The following ZNF732 variants were observed in gnomAD, a reference collection of about 807,000 sequenced individuals.
The protein encoded by ZNF732 is zinc finger protein LOC654254.
In ZNF732, 12 loss-of-function variants were observed where a neutral mutation model predicts 11.5. That is an observed-to-expected ratio of 1.05 (90% CI 0.67 to 1.70). ZNF732 has a LOEUF of 1.70. ZNF732 is among the 40% of genes most tolerant of loss of function. ZNF732 has a pLI of 0.00. For missense variants in ZNF732, 702 were observed against 676.9 expected (o/e 1.04, Z -0.41); for synonymous variants, 231 against 236.5 (o/e 0.98, Z 0.21).
intron 3 of ZNF732, among the ~76,000 whole-genome samples, chr4:273,805 C>T (rs1719438477): frequency 6.6e-6 from 1 of 150,646 alleles, no homozygotes; most frequent in South Asian, 2.1e-4. Flanking sequence ...AAAAGATTAC[C>T]AGTGAATCTG....
In ZNF732 at chr4:295,421, C is replaced by T. The variant is rs1553842090; in HGVS notation, c.226+17G>A. 6.3e-7 allele frequency: 1 copy of T among 1,590,718 alleles called. No homozygotes were observed. Among genetic ancestry groups the T allele is most frequent in the South Asian group, 1.1e-5 (1 of 88,124 alleles). On this transcript the variant is annotated intron_variant, in intron 3 of 3. Coordinates refer to ENST00000419098, the MANE Select transcript of ZNF732 (RefSeq NM_001137608.3). The stretch of plus-strand genomic sequence containing the variant: ...GTCCCCTGGCCTGTGTCCTCTCCTT[C>T]ATTCACTGTCACCTACCTGGGTGTT...
At chr4:292,432 C>G (rs1028594086) in intron 3 of ZNF732, among the ~76,000 whole-genome samples, 6 of 151,768 alleles carry the variant, frequency 4.0e-5, no homozygotes, top group African/African-American at 1.5e-4. Flanking sequence ...TGGGGCATGC[C>G]TGTAATCTCA....
chr4:288,784 T>C (rs1719782695), intron 3 of ZNF732, among the ~76,000 whole-genome samples: 1 of 152,226 alleles, frequency 6.6e-6, no homozygotes, highest in Non-Finnish European at 1.5e-5. Context: ...CTGGGCGCAG[T>C]GGCTCATGTC....
chr4:302,298 A>T (rs1300034433), intron 1 of ZNF732, among the ~76,000 whole-genome samples: 2 of 152,224 alleles, frequency 1.3e-5, no homozygotes, highest in African/African-American at 4.8e-5. Flanking sequence ...AAAAAACTCC[A>T]CAATAATAGA....
At chr4:294,408 G>A (rs568269091) in intron 3 of ZNF732, among the ~76,000 whole-genome samples, 6 of 152,300 alleles carry the variant, frequency 3.9e-5, no homozygotes, top group African/African-American at 1.4e-4. Context: ...GTGTGTGTGA[G>A]AGACACACAT....
Position 272,116 on chromosome 4 carries a change from C to A in ZNF732, c.741G>T (p.Glu247Asp), listed in dbSNP as rs1553837777. The change falls in exon 4 of 4, where the codon GAG (glutamate) becomes GAT (aspartate). Residue 247 changes from glutamate (E) to aspartate (D), a missense_variant. By Grantham distance (45) the Glu-to-Asp change is conservative (BLOSUM62 2). Coordinates refer to ENST00000419098, the MANE Select transcript of ZNF732 (RefSeq NM_001137608.3). ...CACATTCTTCATATTTGTAAGATTT[C>A]TCTCCAGTATGAACTTTATGTTTAG... is the stretch of plus-strand genomic sequence containing the variant. ...NFAKHKVHTGEKSYKYEECGK... is the reference protein window; with the variant it reads ...NFAKHKVHTGDKSYKYEECGK... 1.2e-6 allele frequency: 2 copies of A among 1,612,280 alleles called. No homozygotes were observed. Among genetic ancestry groups the A allele is most frequent in the Non-Finnish European group, 1.7e-6 (2 of 1,179,210 alleles).
At chr4:280,925 T>C (rs146807806) in intron 3 of ZNF732, among the ~76,000 whole-genome samples, 1,966 of 152,056 alleles carry the variant, frequency 0.013, 23 homozygotes, top group Middle Eastern at 0.061. Flanking sequence ...TTTACACATG[T>C]CAGTCATGGT....
chr4:298,795 T>C (rs1034767805), intron 1 of ZNF732, among the ~76,000 whole-genome samples: 4 of 152,210 alleles, frequency 2.6e-5, no homozygotes, highest in Admixed American at 2.0e-4. Context: ...AAAACTACTC[T>C]ACTCCAGTAA....
intron 1 of ZNF732, among the ~76,000 whole-genome samples, chr4:303,533 T>C (rs532133438): frequency 6.6e-6 from 1 of 152,310 alleles, no homozygotes; most frequent in South Asian, 2.1e-4. Flanking sequence ...GGAGAATTGT[T>C]TGAACTCGGG....
Position 271,970 on chromosome 4 carries a change from T to C in ZNF732, c.887A>G (p.His296Arg), listed in dbSNP as rs782062475. 23 of 1,607,528 alleles carry C rather than the reference T, an allele frequency of 1.4e-5. No individual in the cohort carries two copies. The Admixed American group carries it at 3.1e-4, about 21-fold the overall frequency. The change falls in exon 4 of 4, where the codon CAT (histidine) becomes CGT (arginine). Residue 296 changes from histidine (H) to arginine (R), a missense_variant. Around this residue, in one of 3 missense-constraint regions of ZNF732, gnomAD observed 596 missense variants for 557.9 expected, o/e 1.07. Transcript: ENST00000419098. Reference protein sequence around the residue: ...IITSSSNVAKHKKIHTGEKLY... With the variant: ...IITSSSNVAKRKKIHTGEKLY... ...TTTCTCTCCGGTATGAATTTTCTTA[T>C]GTTTGGCAACATTTGAGGATGAGGT...
At chr4:298,287 C>A (rs1720002456) in intron 1 of ZNF732, among the ~76,000 whole-genome samples, 1 of 152,144 alleles carries the variant, frequency 6.6e-6, no homozygotes, top group Admixed American at 6.5e-5. Flanking sequence ...ACCATTTATT[C>A]ATGTGCTCCA....
chr4:287,126 G>C (rs1374703195), intron 3 of ZNF732, among the ~76,000 whole-genome samples: 1 of 152,128 alleles, frequency 6.6e-6, no homozygotes, highest in Admixed American at 6.5e-5. Flanking sequence ...ACTCCAGCCT[G>C]GGCGACAGAG....
intron 3 of ZNF732, among the ~76,000 whole-genome samples, chr4:294,449 CAG>C (rs1188228334): frequency 8.5e-5 from 13 of 152,172 alleles, no homozygotes; most frequent in African/African-American, 2.9e-4. Flanking sequence ...ACGTCAATGA[CAG>C]AATCTCAGGC....
In ZNF732 at chr4:296,091, G is replaced by C. The variant is rs781857258; in HGVS notation, c.68C>G (p.Pro23Arg). ...FSPEEWKCLD[P>R]AQQNLYRDVM... The stretch of plus-strand genomic sequence containing the variant: ...ATCTCTATACAAATTCTGCTGGGCA[G>C]GGTCCAGGCATTTCCACTCTTCTGG... The change falls in exon 2 of 4, where the codon CCT becomes CGT. Residue 23 changes from proline (P) to arginine (R), a missense_variant. Transcript: ENST00000419098. 1 of 1,613,848 alleles carries C rather than the reference G, an allele frequency of 6.2e-7. No homozygotes were observed. The highest frequency in any genetic ancestry group is 1.3e-5 in the African/African-American group (1 of 74,912).
intron 1 of ZNF732, 49 bp downstream of exon 1, chr4:305,259 G>A: frequency 6.3e-7 from 1 of 1,592,764 alleles, no homozygotes; most frequent in Non-Finnish European, 8.5e-7. Context: ...TTTCCCGCCG[G>A]TTCGGATGAG....
At chr4:290,389 C>T (rs1414202673) in intron 3 of ZNF732, among the ~76,000 whole-genome samples, 1 of 152,232 alleles carries the variant, frequency 6.6e-6, no homozygotes, top group Non-Finnish European at 1.5e-5. Context: ...AGTGGTCCTT[C>T]CCATCAAGAG....
chr4:277,219 C>G (rs2108653073), intron 3 of ZNF732, among the ~76,000 whole-genome samples: 1 of 152,026 alleles, frequency 6.6e-6, no homozygotes, highest in East Asian at 1.9e-4. Flanking sequence ...GAATGCATTA[C>G]CACATAGTAC....
intron 3 of ZNF732, among the ~76,000 whole-genome samples, chr4:287,372 G>A (rs1232962841): frequency 4.0e-5 from 6 of 151,394 alleles, no homozygotes; most frequent in Non-Finnish European, 5.9e-5. Context: ...GTGCCATCAC[G>A]TCCAGCTAAT....
intron 3 of ZNF732, among the ~76,000 whole-genome samples, chr4:288,839 G>A (rs1347732777): frequency 2.0e-5 from 3 of 152,168 alleles, no homozygotes; most frequent in African/African-American, 4.8e-5. Flanking sequence ...TGATCATGAG[G>A]TCAGGAGATT....
Sources: allele counts gnomAD v4.1 joint callset (sites outside exome capture counted in the v4.1 genomes callset), GRCh38; gene constraint gnomAD v4.1.1; regional missense constraint gnomAD v4.1.1; transcripts MANE v1.5; gene names NCBI Gene and HGNC (gene_info 2026-07-23, HGNC 2026-07-21).